TMEFF2: variants seen among roughly 807,000 people sequenced by gnomAD.
The protein encoded by TMEFF2 is transmembrane protein with EGF like and two follistatin like domains 2.
A neutral mutation model predicts 53.8 loss-of-function variants in TMEFF2; 28 were observed. The observed-to-expected ratio is 0.52, with a 90% CI of 0.39 to 0.71. The LOEUF (loss-of-function observed/expected upper bound fraction) is 0.71. Ranked by LOEUF, TMEFF2 falls within the 30% of genes least tolerant of loss-of-function variation. The pLI, the probability that TMEFF2 is intolerant of heterozygous loss-of-function variation, is 0.00. For missense variants in TMEFF2, 353 were observed against 455.2 expected, an observed-to-expected ratio of 0.78 and a Z score of 2.04; for synonymous variants, 162 against 166.3, an observed-to-expected ratio of 0.97 and a Z score of 0.20.
intron 4 of TMEFF2, among the ~76,000 whole-genome samples, chr2:192,142,406 ATACAT>A (rs1690158799): frequency 6.6e-6 from 1 of 152,122 alleles, no homozygotes; most frequent in African/African-American, 2.4e-5. Flanking sequence ...AGGAGTACAT[ATACAT>A]TAATCTTTAT....
At chr2:192,069,988 G>GTGTATATATATA (rs1340532324) in intron 4 of TMEFF2, among the ~76,000 whole-genome samples, 1 of 118,880 alleles carries the variant, frequency 8.4e-6, no homozygotes, top group African/African-American at 3.3e-5. Context: ...GTGTGTGTGT[G>GTGTATATATATA]TATATATATA....
At chr2:192,135,765 A>G (rs554581972) in intron 4 of TMEFF2, among the ~76,000 whole-genome samples, 33 of 152,196 alleles carry the variant, frequency 2.2e-4, no homozygotes, top group African/African-American at 7.9e-4. Flanking sequence ...CTGAAGAATC[A>G]CAAAAGAAGT....
rs1183258364 is a variant in TMEFF2, at chr2:191,964,319, C to T, written c.746-7941G>A. ...TCCTTCTTTCCTTCTTTCTTTCCTTCCTTCCTTTCTTTCCTTCTTTCTTTC... is the reference window on the plus strand; with the variant it reads ...TCCTTCTTTCCTTCTTTCTTTCCTTTCTTCCTTTCTTTCCTTCTTTCTTTC... On this transcript the variant is annotated intron_variant, in intron 7 of 9. Coordinates refer to ENST00000272771, the MANE Select transcript of TMEFF2 (RefSeq NM_016192.4). Among the ~76,000 whole-genome samples, 38 of 133,810 alleles carry T rather than the reference C, an allele frequency of 2.8e-4. 3 individuals carry two copies. The highest frequency in any genetic ancestry group is 1.1e-3 in the African/African-American group (36 of 33,242). The allele number at this position is 133,810 out of a possible 152,430, so 87.8% of individuals were successfully genotyped here.
intron 8 of TMEFF2, among the ~76,000 whole-genome samples, chr2:191,955,102 G>A (rs958371450): frequency 7.5e-5 from 10 of 133,746 alleles, no homozygotes; most frequent in African/African-American, 2.8e-4. Context: ...TTTTGTGGAG[G>A]GAAAACATGA....
At chr2:192,083,659 C>A (rs1279965303) in intron 4 of TMEFF2, among the ~76,000 whole-genome samples, 1 of 151,146 alleles carries the variant, frequency 6.6e-6, no homozygotes, top group Non-Finnish European at 1.5e-5. Flanking sequence ...ATTTAGACAG[C>A]TCATCAGCTT....
At chr2:192,107,579 A>G (rs1004730986) in intron 4 of TMEFF2, among the ~76,000 whole-genome samples, 1 of 151,786 alleles carries the variant, frequency 6.6e-6, no homozygotes, top group Admixed American at 6.6e-5. Context: ...CCCAATTTAT[A>G]CAATCTCTAG....
chr2:191,997,301 CTT>C (rs1352866755), intron 7 of TMEFF2, among the ~76,000 whole-genome samples: 1 of 151,676 alleles, frequency 6.6e-6, no homozygotes, highest in African/African-American at 2.4e-5. Context: ...TTTAAAATAT[CTT>C]TTTTATTTCC....
rs1264704824 is a variant in TMEFF2 at position 191,975,279 on chromosome 2, T to TG, written c.746-18902_746-18901insC. Among the ~76,000 whole-genome samples, 187 of 122,482 alleles carry TG rather than the reference T, an allele frequency of 1.5e-3. 2 individuals are homozygous for TG. Among genetic ancestry groups the TG allele is most frequent in the African/African-American group, 4.5e-3 (177 of 39,738 alleles). 80.4% of individuals were successfully genotyped at this position (122,482 alleles called of 152,430 possible). Reference sequence around the variant, plus strand: ...TTCTTTTTCTTCTTTTTTTTTTTTTTTTGCCTAAAAAGGGATGGTCAAGTT... The same window carrying TG: ...TTCTTTTTCTTCTTTTTTTTTTTTTTGTTGCCTAAAAAGGGATGGTCAAGTT... On this transcript the variant is annotated intron_variant, in intron 7 of 9. Transcript: ENST00000272771.
intron 2 of TMEFF2, among the ~76,000 whole-genome samples, chr2:192,191,674 A>C (rs955437491): frequency 3.3e-5 from 5 of 152,300 alleles, no homozygotes; most frequent in African/African-American, 1.2e-4. Flanking sequence ...TACCTCCAGC[A>C]GCATTTATAA....
chr2:191,996,871 C>T (rs1344331836), intron 7 of TMEFF2, among the ~76,000 whole-genome samples: 7 of 151,654 alleles, frequency 4.6e-5, no homozygotes, highest in South Asian at 2.1e-4. Flanking sequence ...GGGTTAGCCA[C>T]GGGTTGGTGT....
chr2:192,018,299 A>T lies in TMEFF2; in HGVS notation c.537-19091T>A, dbSNP rs1312457648. ...TCTAGCTGTGTTAGAATTTCTATAC[A>T]TCACAGAGTGAGAGGTAAAGGGCTT... On this transcript the variant is annotated intron_variant, in intron 5 of 9. Coordinates refer to ENST00000272771, the MANE Select transcript of TMEFF2 (RefSeq NM_016192.4). Among the ~76,000 whole-genome samples the T allele has an allele frequency of 2.0e-5, 3 of 152,212 alleles. No homozygotes were observed. In the East Asian group the frequency reaches 5.8e-4, roughly 29 times the overall value.
At chr2:192,156,990 T>A (rs942190152) in intron 4 of TMEFF2, among the ~76,000 whole-genome samples, 2 of 151,988 alleles carry the variant, frequency 1.3e-5, no homozygotes, top group Non-Finnish European at 2.9e-5. Flanking sequence ...TTTAACATAA[T>A]TTGAGGATTA....
intron 4 of TMEFF2, among the ~76,000 whole-genome samples, chr2:192,133,036 C>T (rs188691805): frequency 0.012 from 1,901 of 152,146 alleles, 37 homozygotes; most frequent in African/African-American, 0.042. Flanking sequence ...GGCCTGTTGC[C>T]CTTGCCTCCG....
chr2:192,105,232 A>T (rs1689118693), intron 4 of TMEFF2, among the ~76,000 whole-genome samples: 1 of 151,962 alleles, frequency 6.6e-6, no homozygotes, highest in South Asian at 2.1e-4. Context: ...TACATATTTT[A>T]TGAAGTGTTA....
At chr2:192,015,064 T>C (rs1399635309) in intron 5 of TMEFF2, among the ~76,000 whole-genome samples, 1 of 152,196 alleles carries the variant, frequency 6.6e-6, no homozygotes, top group Non-Finnish European at 1.5e-5. Context: ...AAGAGACTTC[T>C]TAGGCAGCAA....
intron 4 of TMEFF2, among the ~76,000 whole-genome samples, chr2:192,157,156 T>G (rs1690524986): frequency 6.6e-6 from 1 of 152,014 alleles, no homozygotes; most frequent in African/African-American, 2.4e-5. Context: ...AACGAAAACT[T>G]TAAAATTTCT....
chr2:192,021,333 T>C (rs1321052418), intron 5 of TMEFF2, among the ~76,000 whole-genome samples: 2 of 151,836 alleles, frequency 1.3e-5, no homozygotes, highest in African/African-American at 4.8e-5. Context: ...TCCCTTTAGA[T>C]AAGTATAGAA....
At chr2:192,100,011 C>T (rs1361804945) in intron 4 of TMEFF2, among the ~76,000 whole-genome samples, 1 of 152,156 alleles carries the variant, frequency 6.6e-6, no homozygotes, top group Non-Finnish European at 1.5e-5. Flanking sequence ...TAATGAATTA[C>T]AGTCCTGTTC....
chr2:191,959,280 G>C (rs761838932), intron 7 of TMEFF2, among the ~76,000 whole-genome samples: 8 of 152,158 alleles, frequency 5.3e-5, no homozygotes, highest in Non-Finnish European at 8.8e-5. Flanking sequence ...CTAGTTTCCT[G>C]TTTAAATGTT....
Sources: gnomAD v4.1 joint callset for allele counts (sites outside exome capture counted in the v4.1 genomes callset) on GRCh38, gnomAD v4.1.1 for gene constraint, MANE v1.5 for transcripts, NCBI Gene and HGNC (gene_info 2026-07-23, HGNC 2026-07-21) for gene names.